BTBD9: variants seen among roughly 807,000 people sequenced by gnomAD.
The protein encoded by BTBD9 is BTB/POZ domain-containing protein 9.
In BTBD9, 49 loss-of-function variants were observed where a neutral mutation model predicts 64.3. The observed-to-expected ratio is 0.76, with a 90% CI of 0.61 to 0.97. The LOEUF is 0.97. Among genes scored for constraint, BTBD9 ranks in the 50% least tolerant of loss-of-function variants. The probability of loss-of-function intolerance (pLI) is 0.00; values close to 1 mark genes in which losing one functional copy is unlikely to be tolerated. For missense variants in BTBD9, 598 were observed against 762.1 expected, an observed-to-expected ratio of 0.78 and a Z score of 2.53; for synonymous variants, 260 against 274.7, an observed-to-expected ratio of 0.95 and a Z score of 0.53.
chr6:38,275,209 C>T (rs1463898125), intron 8 of BTBD9, among the ~76,000 whole-genome samples: 3 of 152,122 alleles, frequency 2.0e-5, no homozygotes, highest in African/African-American at 7.2e-5. Flanking sequence ...CTACAACTAT[C>T]TGATCTTTGA....
intron 7 of BTBD9, among the ~76,000 whole-genome samples, chr6:38,317,183 G>A: frequency 6.6e-6 from 1 of 151,980 alleles, no homozygotes; most frequent in Admixed American, 6.6e-5. Flanking sequence ...TTTTAGTAGA[G>A]ACAGGGTTTC....
At chr6:38,344,555 C>T (rs1582264580) in intron 7 of BTBD9, among the ~76,000 whole-genome samples, 1 of 152,080 alleles carries the variant, frequency 6.6e-6, no homozygotes, top group Non-Finnish European at 1.5e-5. Flanking sequence ...AAAGAAGATA[C>T]CTCCACAGCT....
In BTBD9 at chr6:38,513,086, G is replaced by A. The variant is rs1458929269; in HGVS notation, c.1154+64514C>T. On this transcript the variant is annotated intron_variant, in intron 6 of 10. Transcript: ENST00000481247. ...CAATGCCTAACCATAGAATCCATTA[G>A]TGTCCAGGCAATCCTAAGGTTTACT... Among the ~76,000 whole-genome samples, 5 of 152,142 alleles carry A rather than the reference G, an allele frequency of 3.3e-5. No individual in the cohort carries two copies. The East Asian group carries it at 5.8e-4, about 18-fold the overall frequency.
At chr6:38,328,378 A>C (rs1338863019) in intron 7 of BTBD9, among the ~76,000 whole-genome samples, 1 of 152,122 alleles carries the variant, frequency 6.6e-6, no homozygotes, top group Admixed American at 6.5e-5. Context: ...TTATAAGAAG[A>C]GGAAGAAACA....
At chr6:38,220,268 C>T (rs1763156751) in intron 9 of BTBD9, among the ~76,000 whole-genome samples, 1 of 152,242 alleles carries the variant, frequency 6.6e-6, no homozygotes, top group Non-Finnish European at 1.5e-5. Flanking sequence ...GCAAAGCAGG[C>T]TGTGTTCTCA....
intron 9 of BTBD9, among the ~76,000 whole-genome samples, chr6:38,231,422 G>A (rs1763600347): frequency 6.6e-6 from 1 of 152,182 alleles, no homozygotes; most frequent in South Asian, 2.1e-4. Context: ...CATATGAAAA[G>A]TACCACTTAA....
chr6:38,358,536 A>G (rs181175690), intron 6 of BTBD9, among the ~76,000 whole-genome samples: 1 of 152,198 alleles, frequency 6.6e-6, no homozygotes, highest in East Asian at 1.9e-4. Flanking sequence ...ACAAATAAAT[A>G]CCTCATAGGT....
At chr6:38,356,823 A>C (rs1416212345) in intron 6 of BTBD9, among the ~76,000 whole-genome samples, 2 of 152,220 alleles carry the variant, frequency 1.3e-5, no homozygotes. Flanking sequence ...TGATCAGATT[A>C]TCCTAGGAAG....
chr6:38,368,740 C>T lies in BTBD9; in HGVS notation c.1155-23647G>A, dbSNP rs150400209. ...TACAAAATTTTATACACAATCAGAG[C>T]ATTCACTGGATCCCCTGGAGCCTAC... On this transcript the variant is annotated intron_variant, in intron 6 of 10. Transcript: ENST00000481247. Among the ~76,000 whole-genome samples the T allele has an allele frequency of 2.8e-3, 420 of 152,230 alleles. 3 individuals are homozygous for T. The highest frequency in any genetic ancestry group is 0.017 in the South Asian group (83 of 4,818).
chr6:38,623,884 ACC>A (rs35008794), intron 1 of BTBD9, among the ~76,000 whole-genome samples: 1 of 152,172 alleles, frequency 6.6e-6, no homozygotes, highest in Non-Finnish European at 1.5e-5. Flanking sequence ...CCCTGGACTG[ACC>A]CACTGGCCCT....
rs1766617945 is a variant in BTBD9 at position 38,168,648 on chromosome 6, A to G, written c.*6337T>C. On this transcript the variant is annotated 3_prime_UTR_variant, in exon 11 of 11. Coordinates refer to ENST00000481247, the MANE Select transcript of BTBD9 (RefSeq NM_001099272.2). ...CTTTTGGGCATCTTTGGAGTTTTAG[A>G]CGGAGCTTCTGGAGTCACAGAGCCA... 2 of 152,264 alleles carry G rather than the reference A, an allele frequency of 1.3e-5. No homozygotes were observed. The highest frequency in any genetic ancestry group is 4.8e-5 in the African/African-American group (2 of 41,440). The allele number at this position is 152,264 out of a possible 1,614,324, so 9.4% of individuals were successfully genotyped here.
intron 6 of BTBD9, among the ~76,000 whole-genome samples, chr6:38,452,385 G>A (rs780447433): frequency 5.9e-5 from 9 of 152,052 alleles, no homozygotes; most frequent in Middle Eastern, 3.4e-3. Flanking sequence ...AATTACTATT[G>A]CAATCATTTT....
At chr6:38,592,927 A>G in intron 3 of BTBD9, 87 bp from the exon 4 acceptor site, 2 of 1,381,370 alleles carry the variant, frequency 1.4e-6, no homozygotes, top group Non-Finnish European at 2.0e-6. Context: ...GACAAGTATA[A>G]CTTAGCCAAT....
intron 4 of BTBD9, among the ~76,000 whole-genome samples, chr6:38,585,486 A>T (rs893210618): frequency 7.9e-5 from 12 of 152,136 alleles, no homozygotes; most frequent in African/African-American, 2.4e-4. Flanking sequence ...TTTAAAAAAA[A>T]TTTTTTAGAG....
intron 4 of BTBD9, among the ~76,000 whole-genome samples, chr6:38,590,153 G>A (rs1193981575): frequency 6.6e-6 from 1 of 151,936 alleles, no homozygotes; most frequent in Non-Finnish European, 1.5e-5. Context: ...GATCAATAAG[G>A]CCTATAAAGA....
At chr6:38,411,675 C>T (rs1049113966) in intron 6 of BTBD9, among the ~76,000 whole-genome samples, 7 of 152,042 alleles carry the variant, frequency 4.6e-5, no homozygotes, top group Admixed American at 2.6e-4. Context: ...GTGACTCACA[C>T]CAGTAATCCC....
At chr6:38,389,969 T>C (rs1286899921) in intron 6 of BTBD9, among the ~76,000 whole-genome samples, 1 of 152,208 alleles carries the variant, frequency 6.6e-6, no homozygotes. Flanking sequence ...ACATACATAT[T>C]GAATATATTC....
chr6:38,623,536 C>G (rs924404199), intron 1 of BTBD9, among the ~76,000 whole-genome samples: 1 of 152,240 alleles, frequency 6.6e-6, no homozygotes, highest in African/African-American at 2.4e-5. Flanking sequence ...GACCTCCTCA[C>G]TGCTGAGAAA....
At chr6:38,182,006 A>C (rs963706696) in intron 10 of BTBD9, among the ~76,000 whole-genome samples, 1 of 150,058 alleles carries the variant, frequency 6.7e-6, no homozygotes, top group Non-Finnish European at 1.5e-5. Context: ...CAAACAAACA[A>C]ACACAACAAA....
Sources: allele counts gnomAD v4.1 joint callset (sites outside exome capture counted in the v4.1 genomes callset), GRCh38; gene constraint gnomAD v4.1.1; transcripts MANE v1.5; gene names NCBI Gene and HGNC (gene_info 2026-07-23, HGNC 2026-07-21).